PTPRB: variants seen among roughly 807,000 people sequenced by gnomAD.
PTPRB encodes the protein receptor-type tyrosine-protein phosphatase beta.
PTPRB carries 97 observed loss-of-function variants against 238.1 expected under a neutral mutation model. The ratio of observed to expected loss-of-function variants is 0.41; its 90% confidence interval spans 0.35 to 0.48. PTPRB has a LOEUF of 0.48. Ranked by LOEUF, PTPRB falls within the 20% of genes least tolerant of loss-of-function variation. The pLI, the probability that PTPRB is intolerant of heterozygous loss-of-function variation, is 0.30. For synonymous variants in PTPRB, 970 were observed against 995.4 expected (o/e 0.97, Z 0.48); for missense variants, 2,292 against 2,681.9 (o/e 0.85, Z 3.21).
At chr12:70,521,613 T>A in intron 33 of PTPRB, 102 bp from the exon 34 acceptor site, 2 of 977,574 alleles carry the variant, frequency 2.0e-6, no homozygotes, top group Non-Finnish European at 2.9e-6. Context: ...CAGAAACATA[T>A]AGCTCAACCT....
At chr12:70,541,165 A>G (rs1875038586) in intron 22 of PTPRB, 2 of 519,034 alleles carry the variant, frequency 3.9e-6, no homozygotes, top group African/African-American at 3.9e-5. Flanking sequence ...TGTAGCAGTG[A>G]GGCCAGGTGT....
rs1884905912 is a variant in PTPRB at position 70,621,024 on chromosome 12, T to G, written c.708+1366A>C. On this transcript the variant is annotated intron_variant, in intron 3 of 33. Coordinates refer to ENST00000334414, the MANE Select transcript of PTPRB (RefSeq NM_001109754.4). Reference sequence around the variant, plus strand: ...AATTTAAACAAAATTTTTAAAGAAGTTTAGTTTAAAAAAAGTAAGCGGTGA... The same window carrying G: ...AATTTAAACAAAATTTTTAAAGAAGGTTAGTTTAAAAAAAGTAAGCGGTGA... 2.0e-5 allele frequency among the ~76,000 whole-genome samples: 3 copies of G among 152,254 alleles called. No individual in the cohort carries two copies. The South Asian group carries it at 6.2e-4, about 32-fold the overall frequency.
chr12:70,554,632 G>A (rs553298913), intron 20 of PTPRB, among the ~76,000 whole-genome samples: 1 of 152,310 alleles, frequency 6.6e-6, no homozygotes, highest in African/African-American at 2.4e-5. Flanking sequence ...CAGTGGAGAA[G>A]GGAAGAATGT....
chr12:70,546,487 G>C (rs914383617), intron 21 of PTPRB, among the ~76,000 whole-genome samples: 3 of 152,126 alleles, frequency 2.0e-5, no homozygotes, highest in Non-Finnish European at 4.4e-5. Context: ...ATTTCTGGGG[G>C]CATATTTTAG....
intron 3 of PTPRB, chr12:70,609,878 G>GGGGCAGGGGCAGGGGCA: frequency 1.3e-6 from 2 of 1,483,810 alleles, no homozygotes. Context: ...CCCGAGGGCC[G>GGGGCAGGGGCAGGGGCA]GGGCAGGGGG....
chr12:70,613,971 G>T (rs1463539032), intron 3 of PTPRB, among the ~76,000 whole-genome samples: 1 of 152,158 alleles, frequency 6.6e-6, no homozygotes, highest in African/African-American at 2.4e-5. Flanking sequence ...AAGAAGAAAA[G>T]ATTCATTTTG....
rs554125926 is a variant in PTPRB, at chr12:70,516,343, C to T, written c.*5146G>A. ...GCACTAATTTCCACAAGGTAGGAGT[C>T]GAGACGAGATTAAAGACTTGGTCCT... is the stretch of plus-strand genomic sequence containing the variant. On this transcript the variant is annotated 3_prime_UTR_variant, in exon 34 of 34. Transcript: ENST00000334414. 5 of 152,226 alleles carry T rather than the reference C, an allele frequency of 3.3e-5. No homozygotes were observed. The highest frequency in any genetic ancestry group is 2.1e-4 in the South Asian group (1 of 4,820). The allele number at this position is 152,226 out of a possible 1,614,324, so 9.4% of individuals were successfully genotyped here.
chr12:70,630,984 G>A (rs1359159856), intron 2 of PTPRB, among the ~76,000 whole-genome samples: 9 of 152,084 alleles, frequency 5.9e-5, no homozygotes, highest in Admixed American at 2.6e-4. Context: ...AATCAATATC[G>A]TGAAAATGGC....
chr12:70,620,141 A>G (rs1241270723), intron 3 of PTPRB, among the ~76,000 whole-genome samples: 4 of 152,344 alleles, frequency 2.6e-5, no homozygotes, highest in African/African-American at 9.6e-5. Flanking sequence ...GGAACATGAC[A>G]GTTGGATGCA....
chr12:70,593,296 T>C (rs1882671314), intron 6 of PTPRB, among the ~76,000 whole-genome samples: 1 of 152,048 alleles, frequency 6.6e-6, no homozygotes. Flanking sequence ...GTGAATCACC[T>C]GAAGTCAGGA....
At chr12:70,608,945 T>G in intron 4 of PTPRB, 124 bp downstream of exon 4, 1 of 1,310,614 alleles carries the variant, frequency 7.6e-7, no homozygotes, top group East Asian at 2.3e-5. Flanking sequence ...TGTCAATATT[T>G]ATCTTCACAG....
chr12:70,554,404 CAA>C (rs1877342866), intron 20 of PTPRB, among the ~76,000 whole-genome samples: 1 of 152,164 alleles, frequency 6.6e-6, no homozygotes, highest in South Asian at 2.1e-4. Flanking sequence ...AAATAACACA[CAA>C]GACCTCAATG....
chr12:70,550,871 C>A (rs2717443), intron 21 of PTPRB, among the ~76,000 whole-genome samples: 85,116 of 151,856 alleles, frequency 0.56, 26,431 homozygotes, highest in Non-Finnish European at 0.7. Context: ...AACCAAGGAG[C>A]TGAGGAATCT....
At chr12:70,595,646 A>T (rs1163758132) in intron 5 of PTPRB, among the ~76,000 whole-genome samples, 1 of 152,194 alleles carries the variant, frequency 6.6e-6, no homozygotes, top group South Asian at 2.1e-4. Context: ...AATAGTTAGG[A>T]AACATTATGA....
chr12:70,549,178 C>G (rs1210364097), intron 21 of PTPRB, among the ~76,000 whole-genome samples: 22 of 152,274 alleles, frequency 1.4e-4, no homozygotes, highest in Non-Finnish European at 2.2e-4. Flanking sequence ...ATGAATATGA[C>G]ACAATAACAA....
At chr12:70,556,312 C>T (rs1877673190) in intron 18 of PTPRB, among the ~76,000 whole-genome samples, 164 bp from the exon 19 acceptor site, 1 of 151,908 alleles carries the variant, frequency 6.6e-6, no homozygotes, top group South Asian at 2.1e-4. Context: ...GCATAAATCT[C>T]CCAGGGAACC....
intron 18 of PTPRB, chr12:70,559,135 A>T: frequency 1.6e-6 from 1 of 618,394 alleles, no homozygotes; most frequent in Admixed American, 2.9e-5. Flanking sequence ...ACCTAATTGT[A>T]AGCCCCATGA....
intron 2 of PTPRB, among the ~76,000 whole-genome samples, chr12:70,634,263 A>C (rs1885585229): frequency 6.6e-6 from 1 of 152,176 alleles, no homozygotes; most frequent in Non-Finnish European, 1.5e-5. Flanking sequence ...CTCACAAATC[A>C]ACACCTAAGG....
chr12:70,536,208 G>A, intron 28 of PTPRB, 49 bp from the exon 29 acceptor site: 2 of 1,576,642 alleles, frequency 1.3e-6, no homozygotes, highest in African/African-American at 2.7e-5. Flanking sequence ...GGCCTCTTCA[G>A]AACTATAAAC....
Sources: allele counts gnomAD v4.1 joint callset (sites outside exome capture counted in the v4.1 genomes callset), GRCh38; gene constraint gnomAD v4.1.1; transcripts MANE v1.5; gene names NCBI Gene and HGNC (gene_info 2026-07-23, HGNC 2026-07-21).